Variants in CDIN1 observed in about 807,000 individuals in gnomAD.
CDIN1 encodes the protein CDAN1-interacting nuclease 1.
In CDIN1, 33 loss-of-function variants were observed where a neutral mutation model predicts 45.3. The ratio of observed to expected loss-of-function variants is 0.73; its 90% confidence interval spans 0.55 to 0.97. The LOEUF (loss-of-function observed/expected upper bound fraction) is 0.97. CDIN1 is among the 50% of genes least tolerant of loss of function. The pLI is 0.00. For synonymous variants in CDIN1, 118 were observed against 124.4 expected, an observed-to-expected ratio of 0.95 and a Z score of 0.34; for missense variants, 303 against 339.4, an observed-to-expected ratio of 0.89 and a Z score of 0.84.
intron 10 of CDIN1, chr15:36,790,177 G>A (rs2054609847): frequency 6.6e-6 from 1 of 152,184 alleles, no homozygotes; most frequent in Non-Finnish European, 1.5e-5. Flanking sequence ...GATCTCCAGT[G>A]TCTTTCTGTG....
At chr15:36,593,264 G>A (rs1168409262) in intron 1 of CDIN1, among the ~76,000 whole-genome samples, 2 of 152,110 alleles carry the variant, frequency 1.3e-5, no homozygotes, top group African/African-American at 4.8e-5. Context: ...GTATTTTCTT[G>A]TCTACTTTTC....
intron 10 of CDIN1, among the ~76,000 whole-genome samples, chr15:36,806,000 G>T (rs576003737): frequency 1.3e-5 from 2 of 152,274 alleles, no homozygotes; most frequent in East Asian, 3.9e-4. Context: ...GAGCTACATT[G>T]ACAGAGGTAA....
chr15:36,733,870 T>C (rs2043920083), intron 10 of CDIN1, among the ~76,000 whole-genome samples: 1 of 152,150 alleles, frequency 6.6e-6, no homozygotes, highest in South Asian at 2.1e-4. Flanking sequence ...AAATGCAAGG[T>C]ACTTTGTAGG....
rs536214159 is a variant in CDIN1, at chr15:36,734,881, C to T, written c.716+24920C>T. On this transcript the variant is annotated intron_variant, in intron 10 of 10. Coordinates refer to ENST00000566621, the MANE Select transcript of CDIN1 (RefSeq NM_001321759.2). The stretch of plus-strand genomic sequence containing the variant: ...ATTAATTTGGCAGTGTACTTAAAGG[C>T]CTTATTAAAATCTCCTGTGTCTAGA... 3.3e-5 allele frequency among the ~76,000 whole-genome samples: 5 copies of T among 152,150 alleles called. No homozygotes were observed. In the South Asian group the frequency reaches 1.0e-3, roughly 32 times the overall value.
rs960690630 is a variant in CDIN1, at chr15:36,751,229, T to A, written c.716+41268T>A. Among the ~76,000 whole-genome samples, 19 of 97,564 alleles carry A rather than the reference T, an allele frequency of 1.9e-4. No individual in the cohort carries two copies. In the East Asian group the frequency reaches 2.5e-3, roughly 13 times the overall value. The allele number at this position is 97,564 out of a possible 152,430, so 64.0% of individuals were successfully genotyped here. On this transcript the variant is annotated intron_variant, in intron 10 of 10. Coordinates refer to ENST00000566621, the MANE Select transcript of CDIN1 (RefSeq NM_001321759.2). ...ATAAAAGCATATATATATGCTTATT[T>A]TATATATATATATATATATATATAT...
chr15:36,779,874 C>T (rs148304727), intron 10 of CDIN1, among the ~76,000 whole-genome samples: 42 of 152,306 alleles, frequency 2.8e-4, no homozygotes, highest in South Asian at 6.2e-4. Context: ...ATATAGTCTT[C>T]TGAAGATGGT....
chr15:36,701,119 T>C, intron 8 of CDIN1, among the ~76,000 whole-genome samples: 1 of 34,800 alleles, frequency 2.9e-5, no homozygotes, highest in Non-Finnish European at 5.6e-5. Context: ...GATAGATAGG[T>C]AGGTAGATAG....
intron 1 of CDIN1, among the ~76,000 whole-genome samples, chr15:36,612,655 C>G (rs1161365964): frequency 6.6e-6 from 1 of 152,132 alleles, no homozygotes; most frequent in South Asian, 2.1e-4. Context: ...TGATGCTGAG[C>G]GTCTTTACTT....
At chr15:36,593,269 C>T (rs189175476) in intron 1 of CDIN1, among the ~76,000 whole-genome samples, 84 of 152,266 alleles carry the variant, frequency 5.5e-4, no homozygotes, top group Middle Eastern at 3.4e-3. Context: ...TTCTTGTCTA[C>T]TTTTCTCAAA....
chr15:36,724,472 A>G (rs1321563239), intron 10 of CDIN1, among the ~76,000 whole-genome samples: 1 of 152,168 alleles, frequency 6.6e-6, no homozygotes, highest in African/African-American at 2.4e-5. Flanking sequence ...TAATGATGCT[A>G]TTAAAGAATT....
At chr15:36,632,285 C>T (rs551608081) in intron 1 of CDIN1, among the ~76,000 whole-genome samples, 72 of 152,312 alleles carry the variant, frequency 4.7e-4, no homozygotes, top group Non-Finnish European at 1.3e-4. Context: ...GCTCCCTAGT[C>T]TCCCACCCCT....
chr15:36,702,249 G>T (rs1489691389), intron 8 of CDIN1: 4 of 647,382 alleles, frequency 6.2e-6, no homozygotes, highest in Non-Finnish European at 1.1e-5. Flanking sequence ...AATTGAGGGT[G>T]GGAGGTGGGG....
chr15:36,725,903 A>T (rs2043606089), intron 10 of CDIN1, among the ~76,000 whole-genome samples: 1 of 152,198 alleles, frequency 6.6e-6, no homozygotes, highest in Admixed American at 6.5e-5. Flanking sequence ...GAAGATTTTC[A>T]TGCTGTCTCC....
chr15:36,669,495 T>C (rs991031575), intron 5 of CDIN1, among the ~76,000 whole-genome samples: 49 of 152,254 alleles, frequency 3.2e-4, no homozygotes, highest in African/African-American at 1.2e-3. Context: ...GAGTTCTGCC[T>C]ATATCCATCA....
In CDIN1 at chr15:36,808,498, G is replaced by A. The variant is rs762891996; in HGVS notation, c.*45G>A. ...GAAGCTGGGAGGAAAAGGTGAATCC[G>A]GAAGCAATTTTACTTTCCTGCACTG... is the stretch of plus-strand genomic sequence containing the variant. On this transcript the variant is annotated 3_prime_UTR_variant, in exon 11 of 11. Transcript: ENST00000566621. 29 of 1,606,138 alleles carry A rather than the reference G, an allele frequency of 1.8e-5. No individual in the cohort carries two copies. Among genetic ancestry groups the A allele is most frequent in the East Asian group, 6.7e-5 (3 of 44,648 alleles).
At chr15:36,667,091 A>C (rs961454499) in intron 5 of CDIN1, among the ~76,000 whole-genome samples, 2 of 152,302 alleles carry the variant, frequency 1.3e-5, no homozygotes, top group East Asian at 1.9e-4. Context: ...CCTTTGGAAA[A>C]ATATATTTTA....
intron 10 of CDIN1, among the ~76,000 whole-genome samples, chr15:36,734,041 A>C (rs1304808215): frequency 6.6e-6 from 1 of 152,164 alleles, no homozygotes; most frequent in African/African-American, 2.4e-5. Flanking sequence ...ATTATATTTG[A>C]TTCATACAAC....
chr15:36,718,102 G>A (rs923451306), intron 10 of CDIN1, among the ~76,000 whole-genome samples: 1 of 151,832 alleles, frequency 6.6e-6, no homozygotes, highest in Non-Finnish European at 1.5e-5. Context: ...TGTAGAAATG[G>A]TTCTAGAACC....
At chr15:36,689,230 A>G (rs1486627233) in intron 5 of CDIN1, among the ~76,000 whole-genome samples, 2 of 152,064 alleles carry the variant, frequency 1.3e-5, no homozygotes, top group Non-Finnish European at 2.9e-5. Context: ...TTTTCTTTTG[A>G]TATTTCCCTT....
Sources: allele counts gnomAD v4.1 joint callset (sites outside exome capture counted in the v4.1 genomes callset), GRCh38; gene constraint gnomAD v4.1.1; transcripts MANE v1.5; gene names NCBI Gene and HGNC (gene_info 2026-07-23, HGNC 2026-07-21).